Variants in RBFOX1 observed in about 807,000 individuals in gnomAD.
The protein encoded by RBFOX1 is RNA binding fox-1 homolog 1, also known as RNA binding protein fox-1 homolog 1.
Under a neutral mutation model 57.7 loss-of-function variants are expected in RBFOX1, and 8 were observed. The ratio of observed to expected loss-of-function variants is 0.14; its 90% CI spans 0.08 to 0.25. The LOEUF (loss-of-function observed/expected upper bound fraction) is 0.25. Ranked by LOEUF, RBFOX1 falls within the 10% of genes least tolerant of loss-of-function variation. The pLI is 1.00. For synonymous variants in RBFOX1, 326 were observed against 222.4 expected (o/e 1.47, Z -4.15); for missense variants, 611 against 548.5 (o/e 1.11, Z -1.14).
At chr16:6,344,693 G>A (rs1398565471) in intron 2 of RBFOX1, among the ~76,000 whole-genome samples, 15 of 114,198 alleles carry the variant, frequency 1.3e-4, no homozygotes, top group South Asian at 2.8e-4. Context: ...CACCGAGCCC[G>A]GTTTTTTTTT....
intron 6 of RBFOX1, among the ~76,000 whole-genome samples, chr16:7,585,124 T>G (rs1291985400): frequency 1.3e-5 from 2 of 152,360 alleles, no homozygotes; most frequent in East Asian, 1.9e-4. Context: ...TAGGCTCTTA[T>G]GCCTGAAATA....
chr16:6,149,209 ATG>A (rs1054482420), intron 1 of RBFOX1, among the ~76,000 whole-genome samples: 4 of 152,146 alleles, frequency 2.6e-5, no homozygotes, highest in African/African-American at 4.8e-5. Flanking sequence ...TTGTGTGTGT[ATG>A]TGTGTGTGTG....
intron 2 of RBFOX1, among the ~76,000 whole-genome samples, chr16:5,485,508 G>A (rs556725485): frequency 1.3e-3 from 198 of 152,148 alleles, no homozygotes; most frequent in Non-Finnish European, 2.0e-3. Context: ...AGTGAAAATG[G>A]CTAACAAATA....
chr16:5,906,991 C>T (rs1203974561), intron 4 of RBFOX1, among the ~76,000 whole-genome samples: 1 of 152,044 alleles, frequency 6.6e-6, no homozygotes, highest in Non-Finnish European at 1.5e-5. Context: ...CCTGCCTCGG[C>T]CTCCCAAAGT....
In RBFOX1 at chr16:7,268,898, G is replaced by A. The variant is rs374413614; in HGVS notation, c.27+216800G>A. On this transcript the variant is annotated intron_variant, in intron 4 of 15. Coordinates refer to ENST00000550418, the MANE Select transcript of RBFOX1 (RefSeq NM_018723.4). ...CTAAAAATACAAAAATTAGCCAAGC[G>A]TGGTGGCAAATGCCTGCAATCCCAG... is the stretch of plus-strand genomic sequence containing the variant. Among the ~76,000 whole-genome samples the A allele has an allele frequency of 3.3e-5, 5 of 151,882 alleles. No homozygotes were observed. The East Asian group carries it at 7.8e-4, about 24-fold the overall frequency.
chr16:7,139,303 T>C (rs1305239245), intron 4 of RBFOX1, among the ~76,000 whole-genome samples: 2 of 152,004 alleles, frequency 1.3e-5, no homozygotes, highest in Admixed American at 1.3e-4. Flanking sequence ...ACATCCAACA[T>C]AATCACTTCA....
chr16:7,398,650 G>A (rs928990765), intron 4 of RBFOX1, among the ~76,000 whole-genome samples: 1 of 152,168 alleles, frequency 6.6e-6, no homozygotes, highest in African/African-American at 2.4e-5. Context: ...TGCCAGAGAG[G>A]CAATTTTGAG....
At chr16:6,566,236 G>A (rs1355357644) in intron 2 of RBFOX1, among the ~76,000 whole-genome samples, 2 of 152,188 alleles carry the variant, frequency 1.3e-5, no homozygotes, top group Non-Finnish European at 2.9e-5. Flanking sequence ...AAGCAACTGA[G>A]ATCCACCACG....
intron 2 of RBFOX1, among the ~76,000 whole-genome samples, chr16:6,590,291 G>C (rs747523171): frequency 2.0e-5 from 3 of 152,146 alleles, no homozygotes; most frequent in African/African-American, 7.2e-5. Context: ...TTCAGACTAA[G>C]AAAGTCCTTA....
chr16:5,251,551 A>G (rs2062453673), intron 1 of RBFOX1, among the ~76,000 whole-genome samples: 1 of 152,244 alleles, frequency 6.6e-6, no homozygotes, highest in South Asian at 2.1e-4. Flanking sequence ...CAGCAGAAAC[A>G]GAGGAAAGAA....
chr16:7,560,371 C>T (rs2090025883), intron 5 of RBFOX1, among the ~76,000 whole-genome samples: 1 of 152,164 alleles, frequency 6.6e-6, no homozygotes, highest in Non-Finnish European at 1.5e-5. Flanking sequence ...CAAAAAATTT[C>T]ATTTCAGAAA....
At chr16:7,579,613 A>G (rs1358990802) in intron 5 of RBFOX1, among the ~76,000 whole-genome samples, 164 bp from the exon 6 acceptor site, 1 of 152,214 alleles carries the variant, frequency 6.6e-6, no homozygotes, top group Non-Finnish European at 1.5e-5. Flanking sequence ...GACGCTCAGA[A>G]AACACTTGCT....
intron 2 of RBFOX1, among the ~76,000 whole-genome samples, chr16:5,538,596 G>A (rs2044799074): frequency 6.7e-6 from 1 of 149,500 alleles, no homozygotes; most frequent in Non-Finnish European, 1.5e-5. Flanking sequence ...CTCTCTTCCT[G>A]GCCTTTTCTG....
intron 1 of RBFOX1, among the ~76,000 whole-genome samples, chr16:6,219,700 A>T: frequency 6.6e-6 from 1 of 151,928 alleles, no homozygotes; most frequent in East Asian, 1.9e-4. Context: ...CATGGTGAAA[A>T]CCTGTCTCTA....
At chr16:7,527,406 A>G (rs1204032172) in intron 5 of RBFOX1, among the ~76,000 whole-genome samples, 3 of 152,142 alleles carry the variant, frequency 2.0e-5, no homozygotes, top group Non-Finnish European at 4.4e-5. Flanking sequence ...CCAACTTAGG[A>G]TAACTTGGCC....
intron 1 of RBFOX1, among the ~76,000 whole-genome samples, chr16:6,049,887 G>A (rs969147153): frequency 5.3e-5 from 8 of 151,556 alleles, no homozygotes; most frequent in Non-Finnish European, 1.2e-4. Context: ...CCAAATAAAG[G>A]CAGTACACTG....
chr16:7,478,875 T>C (rs2063288655), intron 4 of RBFOX1, among the ~76,000 whole-genome samples: 1 of 152,158 alleles, frequency 6.6e-6, no homozygotes. Context: ...AATAGCTCTG[T>C]TGCATCTTGA....
At chr16:5,271,697 CTTATT>C (rs2063012449) in intron 1 of RBFOX1, among the ~76,000 whole-genome samples, 1 of 152,210 alleles carries the variant, frequency 6.6e-6, no homozygotes, top group Non-Finnish European at 1.5e-5. Context: ...TTGTTCAAAA[CTTATT>C]CTTCCTATTG....
intron 14 of RBFOX1, among the ~76,000 whole-genome samples, chr16:7,697,287 G>A (rs2147886176): frequency 6.6e-6 from 1 of 152,250 alleles, no homozygotes; most frequent in Non-Finnish European, 1.5e-5. Flanking sequence ...CATACTGGCA[G>A]ATTAGAAGTG....
Sources: allele counts gnomAD v4.1 joint callset (sites outside exome capture counted in the v4.1 genomes callset), GRCh38; gene constraint gnomAD v4.1.1; transcripts MANE v1.5; gene names NCBI Gene and HGNC (gene_info 2026-07-23, HGNC 2026-07-21).